The following CLSTN1 variants were observed in gnomAD, a reference collection of about 807,000 sequenced individuals.
The protein encoded by CLSTN1 is calsyntenin 1, also known as calsyntenin-1.
Under a neutral mutation model 108.3 loss-of-function variants are expected in CLSTN1, and 28 were observed. The observed-to-expected ratio is 0.26, with a 90% CI of 0.19 to 0.35. The LOEUF (loss-of-function observed/expected upper bound fraction) is 0.35, where lower values mean the gene tolerates loss of function less well. Ranked by LOEUF, CLSTN1 falls within the 10% of genes least tolerant of loss-of-function variation. The pLI, the probability that CLSTN1 is intolerant of heterozygous loss-of-function variation, is 1.00. For synonymous variants in CLSTN1, 524 were observed against 534.9 expected (o/e 0.98, Z 0.28); for missense variants, 1,157 against 1,302.6 (o/e 0.89, Z 1.72).
At chr1:9,770,258 A>G (rs1652605507) in intron 2 of CLSTN1, among the ~76,000 whole-genome samples, 1 of 152,228 alleles carries the variant, frequency 6.6e-6, no homozygotes, top group Non-Finnish European at 1.5e-5. Context: ...TAATTTTTGT[A>G]CATCAGTAAA....
rs76405318 is a variant in CLSTN1 at position 9,751,752 on chromosome 1, T to C, written c.441-71A>G. The C allele has an allele frequency of 3.8e-3, 5,220 of 1,382,316 alleles. 107 individuals carry two copies. The East Asian group carries it at 0.048, about 13-fold the overall frequency. 85.6% of individuals were successfully genotyped at this position (1,382,316 alleles called of 1,614,324 possible). ...GTGAGAGAGAGACAGAGAGTGTGTATGTGTGTTTACCCAATTCTGCCCTAC... is the reference window on the plus strand; with the variant it reads ...GTGAGAGAGAGACAGAGAGTGTGTACGTGTGTTTACCCAATTCTGCCCTAC... On this transcript the variant is annotated intron_variant, in intron 4 of 18. Coordinates refer to ENST00000377298, the MANE Select transcript of CLSTN1 (RefSeq NM_001009566.3).
At chr1:9,782,189 A>T (rs143907655) in intron 1 of CLSTN1, among the ~76,000 whole-genome samples, 136 of 152,326 alleles carry the variant, frequency 8.9e-4, no homozygotes, top group African/African-American at 3.1e-3. Context: ...AAAAATTTAA[A>T]CTTCTAGAAA....
At chr1:9,776,407 G>A (rs968759045) in intron 1 of CLSTN1, among the ~76,000 whole-genome samples, 6 of 152,084 alleles carry the variant, frequency 3.9e-5, no homozygotes, top group Non-Finnish European at 5.9e-5. Flanking sequence ...TAAAATTTCG[G>A]TTTTGTGAGA....
chr1:9,733,457 T>G lies in CLSTN1; in HGVS notation c.2371A>C (p.Lys791Gln), dbSNP rs374568789. The G allele has an allele frequency of 1.2e-5, 20 of 1,614,066 alleles. No individual in the cohort carries two copies. The East Asian group carries it at 2.9e-4, about 23-fold the overall frequency. The change falls in exon 16 of 19, where the codon AAG becomes CAG. Residue 791 changes from lysine to glutamine, a missense_variant. Physicochemically the swap from Lys to Gln is moderately conservative, Grantham distance 53 (BLOSUM62 1). Coordinates refer to ENST00000377298, the MANE Select transcript of CLSTN1 (RefSeq NM_001009566.3). ...CCATTCAGCTCTGAGCAGATGAGCT[T>G]AAACTTCCGGTCAAGCAAGGACCTG... is the stretch of plus-strand genomic sequence containing the variant. ...HARSLLDRKFKLICSELNGRY... is the reference protein window; with the variant it reads ...HARSLLDRKFQLICSELNGRY...
At chr1:9,809,906 A>G (rs1180530575) in intron 1 of CLSTN1, among the ~76,000 whole-genome samples, 2 of 149,204 alleles carry the variant, frequency 1.3e-5, no homozygotes, top group African/African-American at 2.5e-5. Context: ...GTCTCAAAAA[A>G]ACTATAAAAA....
At chr1:9,743,506 C>G (rs1651083860) in intron 9 of CLSTN1, among the ~76,000 whole-genome samples, 1 of 152,186 alleles carries the variant, frequency 6.6e-6, no homozygotes, top group South Asian at 2.1e-4. Context: ...CATCCATGTG[C>G]AAGGTTGCAG....
chr1:9,732,123 T>C (rs1331708513), intron 16 of CLSTN1, among the ~76,000 whole-genome samples: 1 of 152,014 alleles, frequency 6.6e-6, no homozygotes, highest in Non-Finnish European at 1.5e-5. Context: ...AAAAGAGTAA[T>C]AAGCACTTAG....
chr1:9,779,828 C>T (rs1166186874), intron 1 of CLSTN1, among the ~76,000 whole-genome samples: 1 of 151,962 alleles, frequency 6.6e-6, no homozygotes, highest in East Asian at 1.9e-4. Flanking sequence ...CCAAAAACTC[C>T]ATTGTTTGTT....
At chr1:9,776,777 C>T (rs1188861921) in intron 1 of CLSTN1, among the ~76,000 whole-genome samples, 1 of 149,718 alleles carries the variant, frequency 6.7e-6, no homozygotes, top group East Asian at 2.1e-4. Flanking sequence ...TCCATCCATC[C>T]ACCCACCTAT....
intron 1 of CLSTN1, among the ~76,000 whole-genome samples, chr1:9,819,343 T>C (rs1655108318): frequency 6.6e-6 from 1 of 152,190 alleles, no homozygotes; most frequent in Non-Finnish European, 1.5e-5. Context: ...TTTTAACCTA[T>C]CTCAGCTTCC....
intron 1 of CLSTN1, among the ~76,000 whole-genome samples, chr1:9,788,401 T>C (rs1217646673): frequency 6.6e-6 from 1 of 150,848 alleles, no homozygotes; most frequent in African/African-American, 2.4e-5. Context: ...TGAAACCCCA[T>C]CTCTACTAAA....
rs138553819 is a variant in CLSTN1, at chr1:9,808,080, CCT to C, written c.91+15561_91+15562del. Among the ~76,000 whole-genome samples, 29 of 152,332 alleles carry C rather than the reference CCT, an allele frequency of 1.9e-4. No individual in the cohort carries two copies. The East Asian group carries it at 5.4e-3, about 28-fold the overall frequency. On this transcript the variant is annotated intron_variant, in intron 1 of 18. Coordinates refer to ENST00000377298, the MANE Select transcript of CLSTN1 (RefSeq NM_001009566.3). ...GCTGGTTTACAGAATGACAGCAGTC[CCT>C]CTGTATCCACCAGGGTAGTGGTTCC... is the stretch of plus-strand genomic sequence containing the variant.
rs1255150887 is a variant in CLSTN1 at position 9,731,306 on chromosome 1, C to T, written c.2648G>A (p.Arg883Gln). ...FMIILGVFRI[R>Q]AAHRRTMRDQ... Reference sequence around the variant, plus strand: ...CCGCATGGTCCGCCGATGTGCGGCCCGGATCCGAAATACCCCCAGGATAAT... The same window carrying T: ...CCGCATGGTCCGCCGATGTGCGGCCTGGATCCGAAATACCCCCAGGATAAT... The change falls in exon 18 of 19, where the codon CGG (arginine) becomes CAG (glutamine). Residue 883 changes from arginine (R) to glutamine (Q), a missense_variant. Physicochemically the swap from Arg to Gln is conservative, Grantham distance 43 (BLOSUM62 1). Coordinates refer to ENST00000377298, the MANE Select transcript of CLSTN1 (RefSeq NM_001009566.3). 4.3e-6 allele frequency: 7 copies of T among 1,614,132 alleles called. No homozygotes were observed. Among genetic ancestry groups the T allele is most frequent in the Non-Finnish European group, 5.9e-6 (7 of 1,180,056 alleles).
At chr1:9,768,705 G>C (rs1463350064) in intron 2 of CLSTN1, among the ~76,000 whole-genome samples, 2 of 100,842 alleles carry the variant, frequency 2.0e-5, no homozygotes, top group African/African-American at 8.0e-5. Flanking sequence ...GTGGGGTTCT[G>C]TGCTGGGTGG....
intron 6 of CLSTN1, 52 bp from the exon 7 acceptor site, chr1:9,749,698 T>C: frequency 6.2e-7 from 1 of 1,611,208 alleles, no homozygotes; most frequent in Admixed American, 1.7e-5. Context: ...ACACACACTC[T>C]AGGTTGCTGC....
chr1:9,824,132 G>C (rs1655316846), upstream of CLSTN1: 1 of 146,118 alleles, frequency 6.8e-6, no homozygotes, highest in Non-Finnish European at 1.5e-5. This position sits in a 1 kb window ranked among gnomAD's most constrained non-coding sequence, Gnocchi z 5.0. Flanking sequence ...GCGCGCGGCG[G>C]ACCCGGCAGC....
chr1:9,761,411 T>C (rs1264626185), intron 2 of CLSTN1, among the ~76,000 whole-genome samples: 1 of 152,156 alleles, frequency 6.6e-6, no homozygotes, highest in African/African-American at 2.4e-5. Context: ...GAGAATCACC[T>C]GAGTCTCGGA....
At chr1:9,773,903 T>TG (rs1266189079) in intron 1 of CLSTN1, among the ~76,000 whole-genome samples, 2 of 151,684 alleles carry the variant, frequency 1.3e-5, no homozygotes, top group African/African-American at 4.8e-5. Context: ...TGACTTATTT[T>TG]TTTTTTTTTT....
chr1:9,770,957 G>C (rs954152799), intron 2 of CLSTN1, among the ~76,000 whole-genome samples: 1 of 151,910 alleles, frequency 6.6e-6, no homozygotes, highest in Non-Finnish European at 1.5e-5. Context: ...TGCACCACTG[G>C]ACTCCAGCCT....
Sources: allele counts gnomAD v4.1 joint callset (sites outside exome capture counted in the v4.1 genomes callset), GRCh38; gene constraint gnomAD v4.1.1; non-coding constraint Gnocchi (gnomAD v3.1); transcripts MANE v1.5; gene names NCBI Gene and HGNC (gene_info 2026-07-23, HGNC 2026-07-21).